The following EDIL3 variants were observed in gnomAD, a reference collection of about 807,000 sequenced individuals.
EDIL3 encodes EGF like and discoidin domains 3, also known as EGF-like repeat and discoidin I-like domain-containing protein 3.
A neutral mutation model predicts 67.4 loss-of-function variants in EDIL3; 37 were observed. The observed-to-expected ratio is 0.55, with a 90% CI of 0.42 to 0.72. The LOEUF (loss-of-function observed/expected upper bound fraction) is 0.72, where lower values mean the gene tolerates loss of function less well. EDIL3 is among the 30% of genes least tolerant of loss of function. EDIL3 has a pLI of 0.00. For missense variants in EDIL3, 527 were observed against 586.3 expected (o/e 0.90, Z 1.04); for synonymous variants, 195 against 196.3 (o/e 0.99, Z 0.05).
intron 1 of EDIL3, among the ~76,000 whole-genome samples, chr5:84,282,680 A>C (rs531917099): frequency 6.6e-6 from 1 of 152,302 alleles, no homozygotes; most frequent in East Asian, 1.9e-4. Context: ...ATTGTTTTTC[A>C]AGCAGTGGTA....
At chr5:84,079,265 C>T (rs1746920441) in intron 6 of EDIL3, among the ~76,000 whole-genome samples, 1 of 151,878 alleles carries the variant, frequency 6.6e-6, no homozygotes, top group Non-Finnish European at 1.5e-5. Flanking sequence ...AATGTGTTTC[C>T]CTGAGTTCTG....
At chr5:84,160,024 T>C (rs1418253771) in intron 4 of EDIL3, among the ~76,000 whole-genome samples, 24 of 152,152 alleles carry the variant, frequency 1.6e-4, no homozygotes, top group Admixed American at 1.6e-3. Context: ...TGCAGATTTC[T>C]TTTCAGGCCA....
At chr5:84,033,680 G>T (rs918165056) in intron 9 of EDIL3, among the ~76,000 whole-genome samples, 1 of 147,422 alleles carries the variant, frequency 6.8e-6, no homozygotes, top group African/African-American at 2.5e-5. Flanking sequence ...CTCCAACCTG[G>T]GCGACAGAGC....
chr5:84,211,124 C>T (rs1364058749), intron 3 of EDIL3, among the ~76,000 whole-genome samples: 2 of 152,130 alleles, frequency 1.3e-5, no homozygotes, highest in Non-Finnish European at 2.9e-5. Flanking sequence ...ATGGTTTATT[C>T]GGCCATGCCA....
At chr5:83,961,379 A>G (rs1744605209) in intron 10 of EDIL3, among the ~76,000 whole-genome samples, 1 of 151,254 alleles carries the variant, frequency 6.6e-6, no homozygotes, top group African/African-American at 2.4e-5. Flanking sequence ...CAAAAATTTT[A>G]TGTAAGTTTC....
intron 1 of EDIL3, among the ~76,000 whole-genome samples, chr5:84,347,100 C>A (rs1488535502): frequency 6.6e-6 from 1 of 152,150 alleles, no homozygotes; most frequent in Non-Finnish European, 1.5e-5. Flanking sequence ...CCCAGGTAAG[C>A]CTTGACTTCT....
intron 9 of EDIL3, among the ~76,000 whole-genome samples, chr5:84,046,835 G>T (rs1746232535): frequency 6.6e-6 from 1 of 152,162 alleles, no homozygotes; most frequent in South Asian, 2.1e-4. Flanking sequence ...ACAGGAGCAG[G>T]TCTGCTGTGC....
chr5:84,354,828 T>C (rs1747445469), intron 1 of EDIL3, among the ~76,000 whole-genome samples: 1 of 148,552 alleles, frequency 6.7e-6, no homozygotes, highest in South Asian at 2.1e-4. Context: ...CATTTCCTTA[T>C]AAGAATTTCC....
chr5:83,974,420 C>T (rs556502610), intron 9 of EDIL3, among the ~76,000 whole-genome samples: 3 of 151,760 alleles, frequency 2.0e-5, no homozygotes, highest in East Asian at 3.9e-4. Flanking sequence ...GAATTGCCTG[C>T]GGATTCTGGG....
At chr5:84,158,068 A>C (rs1372072485) in intron 4 of EDIL3, among the ~76,000 whole-genome samples, 2 of 152,150 alleles carry the variant, frequency 1.3e-5, no homozygotes, top group Non-Finnish European at 2.9e-5. Context: ...AGGCACAACA[A>C]GTTTTGTTAT....
intron 9 of EDIL3, among the ~76,000 whole-genome samples, chr5:83,995,336 AG>A (rs1441930150): frequency 1.3e-5 from 2 of 152,134 alleles, no homozygotes; most frequent in African/African-American, 4.8e-5. Flanking sequence ...TTGGAGGAGA[AG>A]GCTGAAGAAC....
intron 10 of EDIL3, among the ~76,000 whole-genome samples, chr5:83,952,386 AT>A (rs1292333211): frequency 1.3e-5 from 2 of 151,820 alleles, no homozygotes; most frequent in East Asian, 3.9e-4. Context: ...ATAAAGATTT[AT>A]GAAACATAAA....
At chr5:84,309,150 T>C (rs1746329398) in intron 1 of EDIL3, among the ~76,000 whole-genome samples, 1 of 152,154 alleles carries the variant, frequency 6.6e-6, no homozygotes, top group Non-Finnish European at 1.5e-5. Context: ...TGTTGAAGAT[T>C]AGTATCTCAT....
Position 84,074,498 on chromosome 5 carries a change from A to G in EDIL3, c.652-7892T>C, listed in dbSNP as rs997769649. On this transcript the variant is annotated intron_variant, in intron 6 of 10. Coordinates refer to ENST00000296591, the MANE Select transcript of EDIL3 (RefSeq NM_005711.5). ...ATCTACAATGAACTCAAACAAATTT[A>G]CAAGAAAAAAACAAATAACCCCATC... 1.1e-4 allele frequency among the ~76,000 whole-genome samples: 17 copies of G among 152,290 alleles called. No homozygotes were observed. In the South Asian group the frequency reaches 3.1e-3, roughly 28 times the overall value.
At chr5:84,179,021 AAT>A (rs1748969901) in intron 4 of EDIL3, among the ~76,000 whole-genome samples, 1 of 152,204 alleles carries the variant, frequency 6.6e-6, no homozygotes. Context: ...CTATAGTTTG[AAT>A]ATAGTATTTA....
At chr5:84,273,797 T>C (rs916290493) in intron 1 of EDIL3, among the ~76,000 whole-genome samples, 9 of 152,220 alleles carry the variant, frequency 5.9e-5, no homozygotes, top group African/African-American at 2.2e-4. Context: ...CTGGATTCTT[T>C]CACGCCTCTA....
intron 5 of EDIL3, among the ~76,000 whole-genome samples, chr5:84,130,618 A>G (rs1747947888): frequency 6.6e-6 from 1 of 152,068 alleles, no homozygotes; most frequent in South Asian, 2.1e-4. Flanking sequence ...GATAGGGAAG[A>G]GTAGGAATTT....
At chr5:84,048,796 A>G (rs1226899231) in intron 9 of EDIL3, among the ~76,000 whole-genome samples, 1 of 152,114 alleles carries the variant, frequency 6.6e-6, no homozygotes, top group Non-Finnish European at 1.5e-5. Flanking sequence ...TTACTTTAAA[A>G]TAAGTTTTTA....
intron 9 of EDIL3, among the ~76,000 whole-genome samples, chr5:84,004,998 A>C (rs1745388044): frequency 6.6e-6 from 1 of 152,130 alleles, no homozygotes; most frequent in South Asian, 2.1e-4. Flanking sequence ...CAGAAATGAC[A>C]ACGATGCCAT....
Sources: gnomAD v4.1 joint callset for allele counts (sites outside exome capture counted in the v4.1 genomes callset) on GRCh38, gnomAD v4.1.1 for gene constraint, MANE v1.5 for transcripts, NCBI Gene and HGNC (gene_info 2026-07-23, HGNC 2026-07-21) for gene names.